The following GLG1 variants were observed in gnomAD, a reference collection of about 807,000 sequenced individuals.
GLG1 encodes Golgi apparatus protein 1.
In GLG1, 38 loss-of-function variants were observed where a neutral mutation model predicts 160.5. The observed-to-expected ratio is 0.24, with a 90% CI of 0.18 to 0.31. The LOEUF is 0.31. Among genes scored for constraint, GLG1 ranks in the 10% least tolerant of loss-of-function variants. The pLI, the probability that GLG1 is intolerant of heterozygous loss-of-function variation, is 1.00. For synonymous variants in GLG1, 644 were observed against 543.4 expected (o/e 1.19, Z -2.57); for missense variants, 1,373 against 1,505.2 (o/e 0.91, Z 1.45).
chr16:74,481,778 C>T (rs2015606657), intron 10 of GLG1, among the ~76,000 whole-genome samples: 1 of 152,096 alleles, frequency 6.6e-6, no homozygotes, highest in Non-Finnish European at 1.5e-5. Context: ...AGCTCCTGGG[C>T]TCAAGTGAAT....
chr16:74,449,275 G>T lies in GLG1; in HGVS notation c.*3892C>A, dbSNP rs1415989182. ...AATGGGAAGGGAAGGCCTCTTTTCA[G>T]TGGCCTCTCCCCAGATGACTCACTA... On this transcript the variant is annotated 3_prime_UTR_variant, in exon 26 of 26. Coordinates refer to ENST00000422840, the MANE Select transcript of GLG1 (RefSeq NM_001145667.2). The T allele has an allele frequency of 6.6e-6, 1 of 152,216 alleles. No individual in the cohort carries two copies. The highest frequency in any genetic ancestry group is 1.5e-5 in the Non-Finnish European group (1 of 68,086). 9.4% of individuals were successfully genotyped at this position (152,216 alleles called of 1,614,324 possible).
intron 2 of GLG1, among the ~76,000 whole-genome samples, chr16:74,519,768 C>T (rs2017100813): frequency 6.6e-6 from 1 of 152,060 alleles, no homozygotes; most frequent in Non-Finnish European, 1.5e-5. Flanking sequence ...ACGTTAATTA[C>T]CTCCATATTT....
chr16:74,488,237 A>T (rs1161764902), intron 8 of GLG1, among the ~76,000 whole-genome samples: 1 of 152,114 alleles, frequency 6.6e-6, no homozygotes, highest in Non-Finnish European at 1.5e-5. Context: ...AGGAAGAAAA[A>T]TTTGAAAAAG....
chr16:74,512,076 G>A (rs540687526), intron 2 of GLG1, among the ~76,000 whole-genome samples: 1 of 151,730 alleles, frequency 6.6e-6, no homozygotes, highest in Admixed American at 6.6e-5. Flanking sequence ...ACCCCAAACA[G>A]AAGCCCACAC....
intron 1 of GLG1, among the ~76,000 whole-genome samples, chr16:74,591,357 G>A (rs1156728036): frequency 1.4e-5 from 2 of 143,492 alleles, no homozygotes; most frequent in Non-Finnish European, 3.0e-5. Context: ...GGCCTGGCAC[G>A]GTGGCTCACG....
intron 8 of GLG1, among the ~76,000 whole-genome samples, chr16:74,488,156 A>T (rs952723389): frequency 6.6e-6 from 1 of 152,108 alleles, no homozygotes; most frequent in Non-Finnish European, 1.5e-5. Flanking sequence ...GAAATCACTA[A>T]ATCAATCACC....
At chr16:74,603,960 A>C (rs553436748) in intron 1 of GLG1, among the ~76,000 whole-genome samples, 2 of 152,054 alleles carry the variant, frequency 1.3e-5, no homozygotes, top group East Asian at 3.9e-4. Context: ...GGCCTTTTTA[A>C]AAGCATGACT....
At chr16:74,575,209 G>A (rs1285473650) in intron 1 of GLG1, among the ~76,000 whole-genome samples, 1 of 151,890 alleles carries the variant, frequency 6.6e-6, no homozygotes, top group Admixed American at 6.6e-5. Flanking sequence ...TCACACCACT[G>A]CACTCCAGCC....
intron 4 of GLG1, among the ~76,000 whole-genome samples, chr16:74,502,644 T>C (rs1276929450): frequency 6.6e-6 from 1 of 151,456 alleles, no homozygotes; most frequent in Non-Finnish European, 1.5e-5. Context: ...CCTGGGTTCA[T>C]GCCTTTCTTC....
intron 1 of GLG1, among the ~76,000 whole-genome samples, chr16:74,604,465 C>T (rs901259157): frequency 6.6e-6 from 1 of 152,186 alleles, no homozygotes; most frequent in Non-Finnish European, 1.5e-5. Context: ...TCCAGTGATA[C>T]CAAGGAACAA....
At chr16:74,541,858 T>A (rs3936322) in intron 1 of GLG1, among the ~76,000 whole-genome samples, 101,137 of 151,526 alleles carry the variant, frequency 0.67, 33,954 homozygotes, top group East Asian at 0.81. Context: ...CACTTTAAAA[T>A]TTTTATACCA....
intron 25 of GLG1, among the ~76,000 whole-genome samples, chr16:74,454,785 G>A (rs1311257801): frequency 6.7e-6 from 1 of 149,830 alleles, no homozygotes; most frequent in Non-Finnish European, 1.5e-5. Flanking sequence ...TCCTGCCTCG[G>A]TCTCCCAAGG....
At chr16:74,478,349 A>G (rs1597244987) in intron 11 of GLG1, among the ~76,000 whole-genome samples, 1 of 152,202 alleles carries the variant, frequency 6.6e-6, no homozygotes, top group African/African-American at 2.4e-5. Flanking sequence ...GGACTCTTCT[A>G]GATGAGCTAT....
At chr16:74,521,226 G>A (rs911271641) in intron 2 of GLG1, among the ~76,000 whole-genome samples, 2 of 152,196 alleles carry the variant, frequency 1.3e-5, no homozygotes, top group Admixed American at 6.5e-5. Flanking sequence ...AGAGGTCAGA[G>A]AGTTGGTATT....
chr16:74,543,070 C>T (rs1032999515), intron 1 of GLG1, among the ~76,000 whole-genome samples: 6 of 151,902 alleles, frequency 3.9e-5, no homozygotes, highest in African/African-American at 9.7e-5. Context: ...GTGGTGAGTG[C>T]ATTGTTTACT....
chr16:74,461,087 C>T (rs755728837), intron 22 of GLG1, among the ~76,000 whole-genome samples: 5 of 152,124 alleles, frequency 3.3e-5, no homozygotes, highest in African/African-American at 4.8e-5. Context: ...ATGTTGAACA[C>T]GCTCTCCACA....
Position 74,485,118 on chromosome 16 carries a change from G to A in GLG1, c.1571+678C>T, listed in dbSNP as rs117046839. Among the ~76,000 whole-genome samples the A allele has an allele frequency of 1.8e-3, 274 of 152,282 alleles. 8 individuals are homozygous for A. In the East Asian group the frequency reaches 0.048, roughly 27 times the overall value. On this transcript the variant is annotated intron_variant, in intron 9 of 25. Transcript: ENST00000422840. ...TATGTTGCCTTGCTATATTGCCCAG[G>A]CTGGTTTCAAACTCGTAGCTTCAAG... is the stretch of plus-strand genomic sequence containing the variant.
chr16:74,556,012 A>T (rs781128172), intron 1 of GLG1, among the ~76,000 whole-genome samples: 37 of 151,772 alleles, frequency 2.4e-4, no homozygotes, highest in Non-Finnish European at 3.1e-4. Context: ...GCCAATTTTT[A>T]ATTTTTTTGT....
chr16:74,454,866 T>C (rs763459745), intron 25 of GLG1, among the ~76,000 whole-genome samples: 4 of 150,826 alleles, frequency 2.7e-5, no homozygotes, highest in Admixed American at 6.6e-5. Context: ...CATTATATCA[T>C]AAGCATTTCC....
Sources: allele counts gnomAD v4.1 joint callset (sites outside exome capture counted in the v4.1 genomes callset), GRCh38; gene constraint gnomAD v4.1.1; transcripts MANE v1.5; gene names NCBI Gene and HGNC (gene_info 2026-07-23, HGNC 2026-07-21).